Variants in PM20D2 observed in about 807,000 individuals in gnomAD.
PM20D2 encodes the protein peptidase M20 domain containing 2, also known as xaa-Arg dipeptidase.
A neutral mutation model predicts 42.9 loss-of-function variants in PM20D2; 33 were observed. That is an observed-to-expected ratio of 0.77 (90% confidence interval 0.58 to 1.03). The LOEUF (loss-of-function observed/expected upper bound fraction) is 1.03. PM20D2 is among the 50% of genes least tolerant of loss of function. The pLI, the probability that PM20D2 is intolerant of heterozygous loss-of-function variation, is 0.00. For missense variants in PM20D2, 548 were observed against 557.0 expected (o/e 0.98, Z 0.16); for synonymous variants, 250 against 228.2 (o/e 1.10, Z -0.86).
the PM20D2 span, among the ~76,000 whole-genome samples, chr6:89,130,819 C>CTTTTTTTTTTTTTTTTTTTTTTTTTTTTT: frequency 8.3e-5 from 2 of 24,038 alleles, 1 homozygote; most frequent in African/African-American, 2.9e-4. Flanking sequence ...GCTTCTTCTT[C>CTTTTTTTTTTTTTTTTTTTTTTTTTTTTT]TTTTTTTTTT....
the PM20D2 span, among the ~76,000 whole-genome samples, chr6:89,100,373 A>C: frequency 6.6e-6 from 1 of 152,248 alleles, no homozygotes; most frequent in African/African-American, 2.4e-5. Context: ...ATTCAAAGCC[A>C]AAACAAGCAG....
At chr6:89,118,541 A>G in the PM20D2 span, among the ~76,000 whole-genome samples, 3 of 151,390 alleles carry the variant, frequency 2.0e-5, no homozygotes, top group East Asian at 5.8e-4. Flanking sequence ...GTGGTCTCAA[A>G]CTCCTGGGCT....
the PM20D2 span, among the ~76,000 whole-genome samples, chr6:89,140,415 A>G: frequency 6.6e-6 from 1 of 152,192 alleles, no homozygotes; most frequent in Non-Finnish European, 1.5e-5. Flanking sequence ...TTGACCAGGA[A>G]GTTTGAGAAG....
chr6:89,102,998 C>G, the PM20D2 span, among the ~76,000 whole-genome samples: 9,558 of 152,210 alleles, frequency 0.063, 870 homozygotes, highest in African/African-American at 0.2. Flanking sequence ...AATTCCTGGA[C>G]TCAAGTGATC....
chr6:89,141,149 A>G (rs570668671), upstream of PM20D2, among the ~76,000 whole-genome samples: 7 of 151,944 alleles, frequency 4.6e-5, no homozygotes, highest in South Asian at 8.3e-4. Flanking sequence ...ACATCCATCA[A>G]TTTGCCCCTC....
Position 89,146,297 on chromosome 6 carries a change from G to T in PM20D2, c.153G>T (p.Leu51=), listed in dbSNP as rs748061206. Residue 51 remains leucine (L), a synonymous_variant, in exon 1 of 7, where the codon CTG becomes CTT. Transcript: ENST00000275072. ...LSRAIWSQPE[L]AYEEHHAHRV... ...GCGCGATCTGGAGCCAGCCCGAGCT[G>T]GCCTACGAGGAGCACCATGCCCACC... 2 of 1,582,230 alleles carry T rather than the reference G, an allele frequency of 1.3e-6. No individual in the cohort carries two copies. Among genetic ancestry groups the T allele is most frequent in the Non-Finnish European group, 1.7e-6 (2 of 1,172,380 alleles).
In PM20D2 at chr6:89,162,367, T is replaced by G. The variant is rs953533420; in HGVS notation, c.*104T>G. On this transcript the variant is annotated 3_prime_UTR_variant, in exon 7 of 7. Coordinates refer to ENST00000275072, the MANE Select transcript of PM20D2 (RefSeq NM_001010853.3). The stretch of plus-strand genomic sequence containing the variant: ...TTTTTTAATCTTAAAGGAGTAAAAT[T>G]CTTTTTACCTGATAAGTGAGGACAG... 1 of 1,151,894 alleles carries G rather than the reference T, an allele frequency of 8.7e-7. No homozygotes were observed. Among genetic ancestry groups the G allele is most frequent in the African/African-American group, 1.6e-5 (1 of 63,820 alleles). 71.4% of individuals were successfully genotyped at this position (1,151,894 alleles called of 1,614,324 possible). A position where few individuals can be genotyped will look rare whatever the true frequency, so the allele number is the denominator to read the frequency against.
intron 5 of PM20D2, among the ~76,000 whole-genome samples, chr6:89,159,602 TAGAA>T (rs1299998279): frequency 1.2e-4 from 19 of 152,104 alleles, no homozygotes; most frequent in East Asian, 5.8e-4. Flanking sequence ...TCAAGGAAAA[TAGAA>T]AGAGTGGATA....
At chr6:89,156,978 G>A (rs1771070486) in intron 4 of PM20D2, among the ~76,000 whole-genome samples, 1 of 152,134 alleles carries the variant, frequency 6.6e-6, no homozygotes, top group African/African-American at 2.4e-5. Context: ...ATATTTATTT[G>A]TGAAATACTT....
chr6:89,103,093 G>A, the PM20D2 span, among the ~76,000 whole-genome samples: 1 of 152,118 alleles, frequency 6.6e-6, no homozygotes, highest in African/African-American at 2.4e-5. Flanking sequence ...GAGAAAAACT[G>A]GTGTCAGGGA....
the PM20D2 span, among the ~76,000 whole-genome samples, chr6:89,121,462 TC>T: frequency 1.3e-5 from 2 of 152,132 alleles, no homozygotes; most frequent in African/African-American, 4.8e-5. Flanking sequence ...TATTTTGTCT[TC>T]CCTTTGGCAG....
Position 89,164,810 on chromosome 6 carries a change from G to A in PM20D2, c.*2547G>A, listed in dbSNP as rs367914203. 6.6e-6 allele frequency: 1 copy of A among 151,082 alleles called. No individual in the cohort carries two copies. Among genetic ancestry groups the A allele is most frequent in the Non-Finnish European group, 1.5e-5 (1 of 67,802 alleles). The allele number at this position is 151,082 out of a possible 1,614,324, so 9.4% of individuals were successfully genotyped here. On this transcript the variant is annotated 3_prime_UTR_variant, in exon 7 of 7. Transcript: ENST00000275072. ...TTCTTCTCTTTTACATAAATTGTTT[G>A]TGAAAAGTGTGCTCAACTTTTTTAC...
chr6:89,119,556 A>G, the PM20D2 span, among the ~76,000 whole-genome samples: 2 of 152,230 alleles, frequency 1.3e-5, no homozygotes, highest in Non-Finnish European at 2.9e-5. Context: ...ACCATGTGTT[A>G]GTTGGCTAGG....
chr6:89,109,321 C>CA, the PM20D2 span, among the ~76,000 whole-genome samples: 3 of 152,204 alleles, frequency 2.0e-5, no homozygotes, highest in Non-Finnish European at 4.4e-5. Flanking sequence ...CAGGTGTCTT[C>CA]ACCAGCATAT....
chr6:89,135,632 C>G, the PM20D2 span, among the ~76,000 whole-genome samples: 2 of 151,232 alleles, frequency 1.3e-5, no homozygotes, highest in Admixed American at 6.6e-5. Context: ...CAAGATCAGA[C>G]AGATTGTGTG....
chr6:89,112,199 A>AG, the PM20D2 span, among the ~76,000 whole-genome samples: 3 of 152,082 alleles, frequency 2.0e-5, no homozygotes, highest in African/African-American at 7.2e-5. Flanking sequence ...TACAGGCATG[A>AG]GCCACCTCTC....
chr6:89,098,885 C>T, the PM20D2 span: 23 of 1,613,646 alleles, frequency 1.4e-5, no homozygotes, highest in East Asian at 3.3e-4. Flanking sequence ...TGAGGTAGAC[C>T]GCCTTGGTAA....
chr6:89,101,444 G>A, the PM20D2 span, among the ~76,000 whole-genome samples: 18 of 152,082 alleles, frequency 1.2e-4, no homozygotes, highest in South Asian at 2.1e-4. Flanking sequence ...AAAACCGGCC[G>A]GGTGCGGTGG....
At chr6:89,113,276 C>T in the PM20D2 span, among the ~76,000 whole-genome samples, 2 of 152,092 alleles carry the variant, frequency 1.3e-5, no homozygotes, top group African/African-American at 2.4e-5. Flanking sequence ...CAGGTTCATG[C>T]GATTCTTCTG....
Sources: allele counts gnomAD v4.1 joint callset (sites outside exome capture counted in the v4.1 genomes callset), GRCh38; gene constraint gnomAD v4.1.1; transcripts MANE v1.5; gene names NCBI Gene and HGNC (gene_info 2026-07-23, HGNC 2026-07-21).